COL5A2: variants seen among roughly 807,000 people sequenced by gnomAD.
The protein encoded by COL5A2 is collagen type V alpha 2 chain, also known as collagen alpha-2(V) chain.
In COL5A2, 23 loss-of-function variants were observed where a neutral mutation model predicts 208.2. That is an observed-to-expected ratio of 0.11 (90% CI 0.08 to 0.16). The LOEUF (loss-of-function observed/expected upper bound fraction) is 0.16, where lower values mean the gene tolerates loss of function less well. COL5A2 is among the 10% of genes least tolerant of loss of function. COL5A2 has a pLI of 1.00. For missense variants in COL5A2, 1,590 were observed against 1,956.4 expected (o/e 0.81, Z 3.53); for synonymous variants, 625 against 628.5 (o/e 0.99, Z 0.08).
rs1299342066 is a variant in COL5A2 at position 189,068,358 on chromosome 2, A to G, written c.1258-88T>C. 4.3e-6 allele frequency: 5 copies of G among 1,163,570 alleles called. No homozygotes were observed. The African/African-American group carries it at 7.6e-5, about 18-fold the overall frequency. The allele number at this position is 1,163,570 out of a possible 1,614,324, so 72.1% of individuals were successfully genotyped here. A position where few individuals can be genotyped will look rare whatever the true frequency, so the allele number is the denominator to read the frequency against. On this transcript the variant is annotated intron_variant, in intron 19 of 53. Transcript: ENST00000374866. ...GTATACAGATGTCCAGCCATCTTCA[A>G]AAAGGAAGTAGAAGCATTTTTTAAA...
chr2:189,391,602 CTAATG>C, the COL5A2 span, among the ~76,000 whole-genome samples: 1 of 152,094 alleles, frequency 6.6e-6, no homozygotes, highest in Non-Finnish European at 1.5e-5. Context: ...TCTATCCCAT[CTAATG>C]TATTCAACAT....
chr2:189,420,117 A>G, the COL5A2 span, among the ~76,000 whole-genome samples: 3 of 151,750 alleles, frequency 2.0e-5, no homozygotes, highest in Non-Finnish European at 4.4e-5. Flanking sequence ...GGGAGGGAGG[A>G]AAAATTACCA....
rs1269243284 is a variant in COL5A2 at position 189,058,419 on chromosome 2, T to C, written c.2229+10A>G. 6 of 1,607,042 alleles carry C rather than the reference T, an allele frequency of 3.7e-6. No homozygotes were observed. Among genetic ancestry groups the C allele is most frequent in the Non-Finnish European group, 4.3e-6 (5 of 1,173,678 alleles). The stretch of plus-strand genomic sequence containing the variant: ...GCATTTTAAAACACTGAGATCACTA[T>C]GACACTTACTTTTGGGCCATCAGGA... On this transcript the variant is annotated intron_variant, in intron 33 of 53. Coordinates refer to ENST00000374866, the MANE Select transcript of COL5A2 (RefSeq NM_000393.5).
At chr2:189,358,855 A>AT in the COL5A2 span, among the ~76,000 whole-genome samples, 48 of 148,656 alleles carry the variant, frequency 3.2e-4, no homozygotes, top group Admixed American at 9.4e-4. Context: ...TGCCTTCTTG[A>AT]TTTTTTTTTT....
chr2:189,049,092 CA>C (rs1685729300), intron 44 of COL5A2, among the ~76,000 whole-genome samples: 1 of 152,068 alleles, frequency 6.6e-6, no homozygotes, highest in Non-Finnish European at 1.5e-5. Flanking sequence ...AACAGTTTGG[CA>C]ACAGCTTAAA....
At chr2:189,054,275 C>G (rs1576496479) in intron 35 of COL5A2, 63 bp from the exon 36 acceptor site, 2 of 1,050,468 alleles carry the variant, frequency 1.9e-6, no homozygotes, top group East Asian at 5.2e-5. Flanking sequence ...TCATGCTTAG[C>G]AAATCAACAA....
chr2:189,205,186 T>G (rs1689127952), intron 1 of COL5A2, among the ~76,000 whole-genome samples: 1 of 152,260 alleles, frequency 6.6e-6, no homozygotes, highest in Non-Finnish European at 1.5e-5. Flanking sequence ...CAGCTTATTC[T>G]GTTTCCCATT....
chr2:189,423,455 T>C, the COL5A2 span, among the ~76,000 whole-genome samples: 1 of 151,710 alleles, frequency 6.6e-6, no homozygotes, highest in Non-Finnish European at 1.5e-5. Context: ...AGAGTTAGTA[T>C]TTTGAAAAGA....
chr2:189,174,456 A>C (rs1475235075), intron 1 of COL5A2, among the ~76,000 whole-genome samples: 5 of 152,234 alleles, frequency 3.3e-5, no homozygotes, highest in African/African-American at 1.2e-4. Context: ...CTTATAAGTA[A>C]AATGAATAAC....
chr2:189,331,806 C>T, the COL5A2 span, among the ~76,000 whole-genome samples: 31 of 151,830 alleles, frequency 2.0e-4, no homozygotes, highest in East Asian at 2.1e-3. Context: ...AAAAATTAGC[C>T]GGGCGTGGTG....
At chr2:189,428,008 G>T in the COL5A2 span, among the ~76,000 whole-genome samples, 1 of 152,178 alleles carries the variant, frequency 6.6e-6, no homozygotes, top group Admixed American at 6.5e-5. Context: ...AGGCTCATAG[G>T]CAGAAGGGAC....
intron 52 of COL5A2, among the ~76,000 whole-genome samples, chr2:189,036,188 C>G (rs1685440415): frequency 6.6e-6 from 1 of 152,020 alleles, no homozygotes; most frequent in African/African-American, 2.4e-5. Flanking sequence ...AAAACTGAGT[C>G]TCCAAAAAGT....
chr2:189,212,503 G>C (rs1689226338), intron 1 of COL5A2, among the ~76,000 whole-genome samples: 1 of 151,960 alleles, frequency 6.6e-6, no homozygotes, highest in Non-Finnish European at 1.5e-5. Flanking sequence ...GCTGGGCGTG[G>C]TGGTGGGCGC....
intron 1 of COL5A2, among the ~76,000 whole-genome samples, chr2:189,178,025 A>G (rs986960418): frequency 2.6e-5 from 4 of 152,030 alleles, no homozygotes; most frequent in Non-Finnish European, 5.9e-5. Flanking sequence ...TTCAATTTCT[A>G]TTGTAATTTT....
intron 1 of COL5A2, among the ~76,000 whole-genome samples, chr2:189,176,411 T>C (rs1688679365): frequency 6.6e-6 from 1 of 152,188 alleles, no homozygotes; most frequent in Admixed American, 6.5e-5. Context: ...TTGTTTATAT[T>C]ACCTGCCTGG....
In COL5A2 at chr2:189,058,656, T is replaced by C; in HGVS notation, c.2131-129A>G. ...ACATTACTAAATCTCAATTTTCTAA[T>C]TTAGTGATAAGAAATAAATTTGAAG... On this transcript the variant is annotated intron_variant, in intron 32 of 53. Coordinates refer to ENST00000374866, the MANE Select transcript of COL5A2 (RefSeq NM_000393.5). The C allele has an allele frequency of 3.0e-6, 3 of 987,068 alleles. No homozygotes were observed. The South Asian group carries it at 4.3e-5, about 14-fold the overall frequency. 61.1% of individuals were successfully genotyped at this position (987,068 alleles called of 1,614,324 possible). A position where few individuals can be genotyped will look rare whatever the true frequency, so the allele number is the denominator to read the frequency against.
chr2:189,269,590 C>T, the COL5A2 span, among the ~76,000 whole-genome samples: 1 of 152,112 alleles, frequency 6.6e-6, no homozygotes, highest in Non-Finnish European at 1.5e-5. Flanking sequence ...AATGAAGTGA[C>T]TTGATCGTGG....
At chr2:189,377,260 A>G in the COL5A2 span, among the ~76,000 whole-genome samples, 2 of 152,158 alleles carry the variant, frequency 1.3e-5, no homozygotes, top group African/African-American at 2.4e-5. Context: ...CTGCTTTACA[A>G]TTCCTACATA....
intron 1 of COL5A2, among the ~76,000 whole-genome samples, chr2:189,157,562 T>C (rs1344775614): frequency 6.6e-6 from 1 of 151,912 alleles, no homozygotes; most frequent in East Asian, 1.9e-4. Context: ...CTGGACAGAG[T>C]AGACTACATG....
Sources: gnomAD v4.1 joint callset for allele counts (sites outside exome capture counted in the v4.1 genomes callset) on GRCh38, gnomAD v4.1.1 for gene constraint, MANE v1.5 for transcripts, NCBI Gene and HGNC (gene_info 2026-07-23, HGNC 2026-07-21) for gene names.